The following GRIK2 variants were observed in gnomAD, a reference collection of about 807,000 sequenced individuals.
The protein encoded by GRIK2 is glutamate ionotropic receptor kainate type subunit 2, also known as glutamate receptor ionotropic, kainate 2.
Under a neutral mutation model 100.3 loss-of-function variants are expected in GRIK2, and 32 were observed. That is an observed-to-expected ratio of 0.32 (90% confidence interval 0.24 to 0.43). GRIK2 has a LOEUF of 0.43. GRIK2 is among the 20% of genes least tolerant of loss of function. The pLI is 1.00. For synonymous variants in GRIK2, 417 were observed against 389.4 expected (o/e 1.07, Z -0.83); for missense variants, 843 against 1,114.9 (o/e 0.76, Z 3.47).
At chr6:101,907,974 T>C (rs1002854158) in intron 12 of GRIK2, among the ~76,000 whole-genome samples, 5 of 151,588 alleles carry the variant, frequency 3.3e-5, no homozygotes, top group Non-Finnish European at 5.9e-5. Context: ...TCCTCCTCCT[T>C]CTTCATTTTC....
intron 2 of GRIK2, among the ~76,000 whole-genome samples, chr6:101,529,587 T>A (rs1302849235): frequency 6.6e-6 from 1 of 152,160 alleles, no homozygotes; most frequent in African/African-American, 2.4e-5. Flanking sequence ...ATTCATTAAT[T>A]CAACCATTTA....
chr6:101,783,067 C>A (rs1779199188), intron 7 of GRIK2, among the ~76,000 whole-genome samples: 1 of 151,904 alleles, frequency 6.6e-6, no homozygotes. Flanking sequence ...ACTGTGTTAG[C>A]CAGGATGGTC....
intron 7 of GRIK2, among the ~76,000 whole-genome samples, chr6:101,720,708 A>G (rs1189375120): frequency 6.6e-6 from 1 of 151,802 alleles, no homozygotes; most frequent in Admixed American, 6.6e-5. Context: ...CTTACAGTAA[A>G]ACAAATTTAA....
At chr6:101,980,253 T>C (rs1270309115) in intron 14 of GRIK2, among the ~76,000 whole-genome samples, 1 of 151,948 alleles carries the variant, frequency 6.6e-6, no homozygotes, top group East Asian at 1.9e-4. Flanking sequence ...ATTTGAAAAG[T>C]ACAAATGATT....
intron 2 of GRIK2, among the ~76,000 whole-genome samples, chr6:101,505,169 C>T (rs1167444869): frequency 1.3e-5 from 2 of 151,620 alleles, no homozygotes; most frequent in African/African-American, 4.8e-5. Context: ...TTTTAAATCA[C>T]TCACATTGTT....
intron 2 of GRIK2, among the ~76,000 whole-genome samples, chr6:101,464,385 TA>T (rs1357710146): frequency 1.3e-5 from 2 of 152,132 alleles, no homozygotes; most frequent in Non-Finnish European, 2.9e-5. Context: ...AGGCATTTTT[TA>T]TAGTCCCTCC....
chr6:101,507,846 A>T (rs1483729802), intron 2 of GRIK2, among the ~76,000 whole-genome samples: 2 of 152,190 alleles, frequency 1.3e-5, no homozygotes, highest in Non-Finnish European at 2.9e-5. Flanking sequence ...GAAAGTAGGT[A>T]ATGGCAATAT....
At chr6:101,684,557 G>A (rs1017798794) in intron 6 of GRIK2, among the ~76,000 whole-genome samples, 6 of 152,080 alleles carry the variant, frequency 3.9e-5, no homozygotes, top group African/African-American at 1.4e-4. Flanking sequence ...AGCTGTAGGG[G>A]AGAAAAGATT....
At chr6:101,981,069 A>T (rs905215488) in intron 14 of GRIK2, among the ~76,000 whole-genome samples, 1 of 151,586 alleles carries the variant, frequency 6.6e-6, no homozygotes, top group African/African-American at 2.4e-5. Context: ...CCATTTTGCC[A>T]CCTTGCCTGG....
intron 2 of GRIK2, among the ~76,000 whole-genome samples, chr6:101,496,243 G>A (rs1773439059): frequency 1.3e-5 from 2 of 152,106 alleles, no homozygotes; most frequent in Non-Finnish European, 1.5e-5. Context: ...CACCATGCCT[G>A]GCCCTGGACT....
intron 7 of GRIK2, among the ~76,000 whole-genome samples, chr6:101,709,377 C>T (rs1773551268): frequency 6.6e-6 from 1 of 151,780 alleles, no homozygotes; most frequent in Non-Finnish European, 1.5e-5. Context: ...CTAAAACCCA[C>T]CTCTAACATT....
At chr6:101,787,808 G>A (rs1779536002) in intron 7 of GRIK2, among the ~76,000 whole-genome samples, 1 of 152,070 alleles carries the variant, frequency 6.6e-6, no homozygotes, top group African/African-American at 2.4e-5. Context: ...GTAAATGTCT[G>A]TTAAGTCCCT....
At chr6:102,016,352 G>T (rs1044211213) in intron 14 of GRIK2, among the ~76,000 whole-genome samples, 2 of 152,042 alleles carry the variant, frequency 1.3e-5, no homozygotes, top group Admixed American at 6.5e-5. Context: ...TATTGCATTT[G>T]CAAGTATTAA....
At chr6:101,570,699 A>G (rs144157842) in intron 2 of GRIK2, among the ~76,000 whole-genome samples, 52 of 152,260 alleles carry the variant, frequency 3.4e-4, no homozygotes, top group African/African-American at 1.1e-3. Context: ...TTGAATGCCA[A>G]CACTTTAGCA....
intron 10 of GRIK2, among the ~76,000 whole-genome samples, chr6:101,844,928 A>C (rs1783718568): frequency 6.6e-6 from 1 of 152,178 alleles, no homozygotes; most frequent in African/African-American, 2.4e-5. Context: ...ACCACTATCT[A>C]GTTCCAGATC....
chr6:101,938,424 T>C (rs1484878918), intron 14 of GRIK2, among the ~76,000 whole-genome samples: 3 of 152,142 alleles, frequency 2.0e-5, no homozygotes, highest in African/African-American at 7.2e-5. Context: ...TCATAAGTGT[T>C]GATAACTGCA....
intron 14 of GRIK2, among the ~76,000 whole-genome samples, chr6:101,984,632 C>CACACACAA (rs1793913192): frequency 6.7e-6 from 1 of 149,160 alleles, no homozygotes; most frequent in Non-Finnish European, 1.5e-5. Flanking sequence ...CACACACACA[C>CACACACAA]ACACACACAC....
chr6:101,676,788 C>A lies in GRIK2; in HGVS notation c.707C>A (p.Ala236Glu). 1 of 1,599,790 alleles carries A rather than the reference C, an allele frequency of 6.3e-7. No homozygotes were observed. Among genetic ancestry groups the A allele is most frequent in the South Asian group, 1.1e-5 (1 of 88,458 alleles). Residue 236 changes from alanine (A) to glutamate (E), a missense_variant, in exon 5 of 17, where the codon GCA becomes GAA. This residue lies in a region of GRIK2 where 519 missense variants were observed against 643.8 expected (regional missense o/e 0.81). Coordinates refer to ENST00000369134, the MANE Select transcript of GRIK2 (RefSeq NM_021956.5). ...TTTGATTGTAGCCATGAAATGGCAG[C>A]AGGCATTTTAAAACAGGTAACCTTT... ...VIFDCSHEMA[A>E]GILKQALAMG...
At chr6:101,846,515 T>C (rs1783820791) in intron 10 of GRIK2, among the ~76,000 whole-genome samples, 1 of 152,044 alleles carries the variant, frequency 6.6e-6, no homozygotes, top group African/African-American at 2.4e-5. Context: ...AGTATCAGGG[T>C]AGTGTTGGCC....
Sources: gnomAD v4.1 joint callset for allele counts (sites outside exome capture counted in the v4.1 genomes callset) on GRCh38, gnomAD v4.1.1 for gene constraint, gnomAD v4.1.1 regional missense constraint, MANE v1.5 for transcripts, NCBI Gene and HGNC (gene_info 2026-07-23, HGNC 2026-07-21) for gene names.